IFNLR1: variants seen among roughly 807,000 people sequenced by gnomAD.
IFNLR1 encodes CRF2-12.
IFNLR1 carries 28 observed loss-of-function variants against 52.5 expected under a neutral mutation model. The ratio of observed to expected loss-of-function variants is 0.53; its 90% CI spans 0.40 to 0.73. The LOEUF (loss-of-function observed/expected upper bound fraction) is 0.73. Among genes scored for constraint, IFNLR1 ranks in the 30% least tolerant of loss-of-function variants. IFNLR1 has a pLI of 0.00. For synonymous variants in IFNLR1, 276 were observed against 274.9 expected, an observed-to-expected ratio of 1.00 and a Z score of -0.04; for missense variants, 623 against 659.1, an observed-to-expected ratio of 0.95 and a Z score of 0.60.
intron 2 of IFNLR1, among the ~76,000 whole-genome samples, chr1:24,175,413 T>C (rs982473246): frequency 1.3e-5 from 2 of 152,256 alleles, no homozygotes; most frequent in South Asian, 4.1e-4. Flanking sequence ...TTAGACTTGC[T>C]TGGGACCTGT....
chr1:24,175,655 AG>A (rs893857664), intron 2 of IFNLR1, among the ~76,000 whole-genome samples: 1 of 152,196 alleles, frequency 6.6e-6, no homozygotes, highest in African/African-American at 2.4e-5. Flanking sequence ...GGGGCTAGCC[AG>A]GTGCAGTAGC....
In IFNLR1 at chr1:24,161,646, C is replaced by T; in HGVS notation, c.406G>A (p.Glu136Lys). The change falls in exon 4 of 7, where the codon GAG becomes AAG. Residue 136 changes from glutamate (E) to lysine (K), a missense_variant. Glu to Lys is a moderately conservative substitution (Grantham distance 56, BLOSUM62 1). Coordinates refer to ENST00000327535, the MANE Select transcript of IFNLR1 (RefSeq NM_170743.4). ...GTGGCATTGGCACTCAGGATCTCCT[C>T]CGTCTGGGTGAGCACCAGGACAGGT... is the stretch of plus-strand genomic sequence containing the variant. ...APPVLVLTQT[E>K]EILSANATYQ... is the part of the protein sequence containing the mutation. The T allele has an allele frequency of 6.5e-7, 1 of 1,539,312 alleles. No homozygotes were observed. The highest frequency in any genetic ancestry group is 2.4e-5 in the East Asian group (1 of 41,076).
At chr1:24,159,726 G>GTTTTGTTTTTGTTT in intron 4 of IFNLR1, 93 bp from the exon 5 acceptor site, 6 of 761,908 alleles carry the variant, frequency 7.9e-6, no homozygotes, top group Non-Finnish European at 9.9e-6. Flanking sequence ...ATGGTAGGGT[G>GTTTTGTTTTTGTTT]TTTTTTTTTT....
chr1:24,187,226 C>T lies in IFNLR1; in HGVS notation c.23G>A (p.Gly8Asp). 1.5e-6 allele frequency: 2 copies of T among 1,290,848 alleles called. No homozygotes were observed. The highest frequency in any genetic ancestry group is 9.8e-7 in the Non-Finnish European group (1 of 1,018,876). The allele number at this position is 1,290,848 out of a possible 1,614,324, so 80.0% of individuals were successfully genotyped here. Residue 8 changes from glycine (G) to aspartate (D), a missense_variant, in exon 1 of 7, where the codon GGC (glycine) becomes GAC (aspartate). Transcript: ENST00000327535. ...CTGCAGCAGGCACAGGAGCAGGGGG[C>T]CCCAGCGCTCGGGCCCCGCCATGGC... MAGPERW[G>D]PLLLCLLQAA...
At chr1:24,182,676 CT>C (rs1644702590) in intron 1 of IFNLR1, among the ~76,000 whole-genome samples, 1 of 151,968 alleles carries the variant, frequency 6.6e-6, no homozygotes, top group African/African-American at 2.4e-5. Flanking sequence ...AATCCCAGTA[CT>C]TTGGGAGGCT....
chr1:24,162,707 TTTTCTTTCTTTCTTTCTTTTCTTTCTTTC>T lies in IFNLR1; in HGVS notation c.368-1052_368-1024del, dbSNP rs201651965. On this transcript the variant is annotated intron_variant, in intron 3 of 6. Coordinates refer to ENST00000327535, the MANE Select transcript of IFNLR1 (RefSeq NM_170743.4). Reference sequence around the variant, plus strand: ...GAGGGCAGAACTCACTTTTCTTTTCTTTTCTTTCTTTCTTTCTTTTCTTTCTTTCTTTCTTTCTTTCTTTCTTTCTTTCT... The same window carrying T: ...GAGGGCAGAACTCACTTTTCTTTTCTTTTCTTTCTTTCTTTCTTTCTTTCT... Among the ~76,000 whole-genome samples, 5 of 22,178 alleles carry T rather than the reference TTTTCTTTCTTTCTTTCTTTTCTTTCTTTC, an allele frequency of 2.3e-4. 1 individual carries two copies. The highest frequency in any genetic ancestry group is 5.8e-4 in the African/African-American group (3 of 5,206). The allele number at this position is 22,178 out of a possible 152,430, so 14.5% of individuals were successfully genotyped here.
At chr1:24,174,299 C>T (rs1261144155) in intron 2 of IFNLR1, among the ~76,000 whole-genome samples, 4 of 152,138 alleles carry the variant, frequency 2.6e-5, no homozygotes, top group African/African-American at 4.8e-5. Context: ...CCCAGACTGT[C>T]GTACTTTGTT....
At chr1:24,169,238 C>T (rs1446576037) in intron 3 of IFNLR1, among the ~76,000 whole-genome samples, 179 bp downstream of exon 3, 2 of 152,190 alleles carry the variant, frequency 1.3e-5, no homozygotes, top group East Asian at 3.9e-4. Context: ...GGCTGCCAGA[C>T]ATGGTCCCTC....
chr1:24,163,790 G>A (rs1644491292), intron 3 of IFNLR1, among the ~76,000 whole-genome samples: 1 of 152,038 alleles, frequency 6.6e-6, no homozygotes, highest in African/African-American at 2.4e-5. Context: ...TGGTGGTCAG[G>A]CTGGTCTCGA....
Position 24,157,658 on chromosome 1 carries a change from T to C in IFNLR1, c.1035A>G (p.Glu345=). The C allele has an allele frequency of 6.2e-7, 1 of 1,610,246 alleles. No individual in the cohort carries two copies. Among genetic ancestry groups the C allele is most frequent in the Non-Finnish European group, 8.5e-7 (1 of 1,178,196 alleles). Residue 345 remains glutamate, a synonymous_variant, in exon 7 of 7, where the codon GAA becomes GAG. Coordinates refer to ENST00000327535, the MANE Select transcript of IFNLR1 (RefSeq NM_170743.4). This position sits in a 1 kb window ranked among gnomAD's most constrained non-coding sequence, Gnocchi z 5.1. ...GCTCTTGCCCCAGGAAAGAAGGTGG[T>C]TCAATGTAGGGCTGGAAGCTGACGC... ...EDGVSFQPYI[E]PPSFLGQEHQ... is the part of the protein sequence containing the mutation.
chr1:24,167,391 T>A (rs1032705459), intron 3 of IFNLR1, among the ~76,000 whole-genome samples: 1 of 144,034 alleles, frequency 6.9e-6, no homozygotes, highest in Non-Finnish European at 1.6e-5. Context: ...TTATTATAAA[T>A]TTTTTTTTTT....
Position 24,169,506 on chromosome 1 carries a change from T to C in IFNLR1, c.278A>G (p.Tyr93Cys). Residue 93 changes from tyrosine (Y) to cysteine (C), a missense_variant, in exon 3 of 7, where the codon TAC (tyrosine) becomes TGC (cysteine). Tyr to Cys is a radical substitution (Grantham distance 194, BLOSUM62 -2). Transcript: ENST00000327535. ...SMMCLKKQDL[Y>C]NKFKGRVRTV... ...CCGCACGCGTCCCTTGAACTTGTTG[T>C]ACAGGTCCTGTTTCTTCAGGCACAT... The C allele has an allele frequency of 1.2e-6, 2 of 1,614,228 alleles. No homozygotes were observed. The highest frequency in any genetic ancestry group is 1.1e-5 in the South Asian group (1 of 91,088).
At chr1:24,180,672 T>G in intron 2 of IFNLR1, 59 bp downstream of exon 2, 160 of 432,100 alleles carry the variant, frequency 3.7e-4, no homozygotes, top group Non-Finnish European at 6.0e-4. Flanking sequence ...GAGAAGCCCC[T>G]CCAGCCCCCA....
At chr1:24,172,954 A>G (rs1239549623) in intron 2 of IFNLR1, among the ~76,000 whole-genome samples, 1 of 152,124 alleles carries the variant, frequency 6.6e-6, no homozygotes, top group Non-Finnish European at 1.5e-5. Context: ...GTCCTATTAG[A>G]TTAGGGCCCA....
chr1:24,184,853 T>G (rs1305039173), intron 1 of IFNLR1, among the ~76,000 whole-genome samples: 4 of 152,068 alleles, frequency 2.6e-5, no homozygotes, highest in Non-Finnish European at 4.4e-5. Flanking sequence ...ACCACGTCTC[T>G]TCTAAAAATA....
intron 3 of IFNLR1, among the ~76,000 whole-genome samples, chr1:24,164,187 A>G (rs146647191): frequency 1.7e-3 from 256 of 152,346 alleles, no homozygotes; most frequent in African/African-American, 5.6e-3. Flanking sequence ...GCAGTTTGAA[A>G]ATCCAGCCAA....
intron 3 of IFNLR1, among the ~76,000 whole-genome samples, chr1:24,162,756 CTT>C (rs1557643816): frequency 8.2e-5 from 3 of 36,798 alleles, no homozygotes; most frequent in South Asian, 1.1e-3. Context: ...TTCTTTCTTT[CTT>C]TCTTTCTTTC....
chr1:24,181,924 C>T (rs181606623), intron 1 of IFNLR1, among the ~76,000 whole-genome samples: 92 of 152,222 alleles, frequency 6.0e-4, no homozygotes, highest in East Asian at 9.7e-4. Context: ...ATGGGCCGGG[C>T]GCAGTGGCTC....
Position 24,155,996 on chromosome 1 carries a change from G to A in IFNLR1, c.*1134C>T, listed in dbSNP as rs920392410. ...TAAGGACCACAACGGTCAACCAAGAGTCTAACGTGCCATCCAAACTGGGAT... is the reference window on the plus strand; with the variant it reads ...TAAGGACCACAACGGTCAACCAAGAATCTAACGTGCCATCCAAACTGGGAT... On this transcript the variant is annotated 3_prime_UTR_variant, in exon 7 of 7. Coordinates refer to ENST00000327535, the MANE Select transcript of IFNLR1 (RefSeq NM_170743.4). 7.2e-5 allele frequency: 11 copies of A among 152,206 alleles called. No individual in the cohort carries two copies. The highest frequency in any genetic ancestry group is 2.4e-4 in the African/African-American group (10 of 41,422). 9.4% of individuals were successfully genotyped at this position (152,206 alleles called of 1,614,324 possible).
Sources: allele counts gnomAD v4.1 joint callset (sites outside exome capture counted in the v4.1 genomes callset), GRCh38; gene constraint gnomAD v4.1.1; non-coding constraint Gnocchi (gnomAD v3.1); transcripts MANE v1.5; gene names NCBI Gene and HGNC (gene_info 2026-07-23, HGNC 2026-07-21).